MKLN1: variants seen among roughly 807,000 people sequenced by gnomAD.
The protein encoded by MKLN1 is muskelin.
Under a neutral mutation model 99.0 loss-of-function variants are expected in MKLN1, and 18 were observed. The observed-to-expected ratio is 0.18, with a 90% CI of 0.13 to 0.27. The LOEUF (loss-of-function observed/expected upper bound fraction) is 0.27, where lower values mean the gene tolerates loss of function less well. MKLN1 is among the 10% of genes least tolerant of loss of function. The probability of loss-of-function intolerance (pLI) is 1.00; values close to 1 mark genes in which losing one functional copy is unlikely to be tolerated. For missense variants in MKLN1, 621 were observed against 875.9 expected (o/e 0.71, Z 3.67); for synonymous variants, 288 against 293.2 (o/e 0.98, Z 0.18).
chr7:131,456,922 C>G (rs1240309016), intron 12 of MKLN1, among the ~76,000 whole-genome samples: 1 of 150,774 alleles, frequency 6.6e-6, no homozygotes, highest in Admixed American at 6.6e-5. Flanking sequence ...CAGTTGAGGA[C>G]TACAACTGTC....
intron 1 of MKLN1, among the ~76,000 whole-genome samples, chr7:131,349,904 G>T (rs542135860): frequency 6.6e-6 from 1 of 152,090 alleles, no homozygotes; most frequent in African/African-American, 2.4e-5. Context: ...ATTCATTCTT[G>T]TGGAGTATGT....
At chr7:131,314,620 C>T (rs878987833) in intron 3 of MKLN1, among the ~76,000 whole-genome samples, 1 of 151,886 alleles carries the variant, frequency 6.6e-6, no homozygotes, top group Admixed American at 6.6e-5. Context: ...GACGGGGTTT[C>T]ACCGTATTAG....
chr7:131,378,649 G>T (rs759609045), intron 2 of MKLN1, among the ~76,000 whole-genome samples: 3 of 152,124 alleles, frequency 2.0e-5, no homozygotes, highest in Non-Finnish European at 4.4e-5. Flanking sequence ...GGGCAACATG[G>T]TGAAACCCTG....
At chr7:131,342,767 G>A (rs927734438) in intron 1 of MKLN1, among the ~76,000 whole-genome samples, 3 of 152,142 alleles carry the variant, frequency 2.0e-5, no homozygotes, top group Admixed American at 6.5e-5. Flanking sequence ...TAAGTCTTTC[G>A]CATCTATGGA....
intron 2 of MKLN1, among the ~76,000 whole-genome samples, chr7:131,380,267 C>G (rs1246774307): frequency 6.6e-6 from 1 of 152,084 alleles, no homozygotes; most frequent in Non-Finnish European, 1.5e-5. Context: ...CATGTAGTTA[C>G]TTTTAGTTTT....
chr7:131,126,233 C>A (rs1457187853), intron 1 of MKLN1, among the ~76,000 whole-genome samples: 2 of 151,870 alleles, frequency 1.3e-5, no homozygotes, highest in Non-Finnish European at 2.9e-5. Context: ...GAGAATAATG[C>A]CAGAAGGGCT....
chr7:131,470,560 G>A (rs1027193196), intron 15 of MKLN1, among the ~76,000 whole-genome samples: 3 of 152,138 alleles, frequency 2.0e-5, no homozygotes, highest in African/African-American at 7.2e-5. Flanking sequence ...TTGGTTTAGT[G>A]CTACCTTGTA....
At chr7:131,251,511 T>A (rs747834457) in intron 3 of MKLN1, among the ~76,000 whole-genome samples, 7 of 152,066 alleles carry the variant, frequency 4.6e-5, no homozygotes, top group Non-Finnish European at 8.8e-5. Flanking sequence ...CTGACCTCCA[T>A]CTCCAAGGTA....
chr7:131,438,911 T>G (rs1795749741), intron 10 of MKLN1, among the ~76,000 whole-genome samples: 1 of 152,182 alleles, frequency 6.6e-6, no homozygotes, highest in South Asian at 2.1e-4. Flanking sequence ...TATAGATTTT[T>G]GTTAATTATT....
chr7:131,314,014 A>T (rs956302825), intron 3 of MKLN1, among the ~76,000 whole-genome samples: 1 of 152,234 alleles, frequency 6.6e-6, no homozygotes, highest in African/African-American at 2.4e-5. Flanking sequence ...CTAAGTATTT[A>T]AACCGTGCCT....
chr7:131,424,813 A>C (rs1278169740), intron 8 of MKLN1, among the ~76,000 whole-genome samples: 1 of 151,932 alleles, frequency 6.6e-6, no homozygotes. Flanking sequence ...GTCATTCTCA[A>C]CTCCTTCAGT....
chr7:131,179,278 A>G (rs1796344532), intron 2 of MKLN1, among the ~76,000 whole-genome samples: 1 of 152,202 alleles, frequency 6.6e-6, no homozygotes, highest in African/African-American at 2.4e-5. Context: ...TCCCTTAAGC[A>G]GGGCTGGAAA....
chr7:131,485,468 G>A (rs1218109169), intron 17 of MKLN1, among the ~76,000 whole-genome samples: 4 of 152,098 alleles, frequency 2.6e-5, no homozygotes, highest in African/African-American at 9.7e-5. Flanking sequence ...ATGCAGGGCT[G>A]TGGGAGAACA....
chr7:131,163,027 C>G (rs79482200), intron 2 of MKLN1, among the ~76,000 whole-genome samples: 8,089 of 152,128 alleles, frequency 0.053, 375 homozygotes, highest in African/African-American at 0.13. Flanking sequence ...TATCATCCTT[C>G]TATTATGGGT....
intron 2 of MKLN1, among the ~76,000 whole-genome samples, chr7:131,163,066 T>C (rs1181059690): frequency 6.6e-6 from 1 of 152,202 alleles, no homozygotes; most frequent in Non-Finnish European, 1.5e-5. Flanking sequence ...AGCGCTTAAG[T>C]CAATTACCTA....
intron 2 of MKLN1, among the ~76,000 whole-genome samples, chr7:131,196,320 C>T (rs1483771315): frequency 6.6e-6 from 1 of 152,072 alleles, no homozygotes; most frequent in Non-Finnish European, 1.5e-5. Context: ...AGGTATCCAA[C>T]CATTTATAAG....
chr7:131,199,790 T>A (rs1450439303), intron 2 of MKLN1, among the ~76,000 whole-genome samples: 1 of 152,034 alleles, frequency 6.6e-6, no homozygotes, highest in South Asian at 2.1e-4. Flanking sequence ...GCTGCCAGGG[T>A]TCAAGTGATT....
intron 12 of MKLN1, among the ~76,000 whole-genome samples, chr7:131,448,100 C>T (rs1337507858): frequency 3.3e-5 from 5 of 152,028 alleles, no homozygotes; most frequent in African/African-American, 2.4e-5. Context: ...TGGTGGCGGG[C>T]GCCTGTAGTC....
intron 1 of MKLN1, among the ~76,000 whole-genome samples, chr7:131,112,210 T>TAG (rs1476148973): frequency 6.6e-6 from 1 of 152,252 alleles, no homozygotes; most frequent in Non-Finnish European, 1.5e-5. Context: ...TTGTAGGTCT[T>TAG]ATGTCAGTTT....
Sources: gnomAD v4.1 joint callset for allele counts (sites outside exome capture counted in the v4.1 genomes callset) on GRCh38, gnomAD v4.1.1 for gene constraint, MANE v1.5 for transcripts, NCBI Gene and HGNC (gene_info 2026-07-23, HGNC 2026-07-21) for gene names.